Variants in ST18 observed in about 807,000 individuals in gnomAD.
ST18 encodes the protein ST18 C2H2C-type zinc finger transcription factor, also known as suppression of tumorigenicity 18 protein.
In ST18, 50 loss-of-function variants were observed where a neutral mutation model predicts 110.0. The observed-to-expected ratio is 0.45, with a 90% confidence interval of 0.36 to 0.58. ST18 has a LOEUF of 0.58. Among genes scored for constraint, ST18 ranks in the 20% least tolerant of loss-of-function variants. The pLI is 0.00. For synonymous variants in ST18, 461 were observed against 452.4 expected, an observed-to-expected ratio of 1.02 and a Z score of -0.24; for missense variants, 1,306 against 1,280.1, an observed-to-expected ratio of 1.02 and a Z score of -0.31.
chr8:52,175,619 G>T (rs770016505), intron 9 of ST18, among the ~76,000 whole-genome samples: 1 of 152,084 alleles, frequency 6.6e-6, no homozygotes, highest in African/African-American at 2.4e-5. Context: ...GATAGTTCAA[G>T]GATCCCTCCT....
chr8:52,303,291 G>C (rs2095759106), intron 2 of ST18, among the ~76,000 whole-genome samples: 1 of 152,232 alleles, frequency 6.6e-6, no homozygotes, highest in African/African-American at 2.4e-5. Flanking sequence ...CTCCCTTGCA[G>C]ATGCATCCCT....
intron 2 of ST18, among the ~76,000 whole-genome samples, chr8:52,366,763 G>T (rs1422202630): frequency 6.6e-6 from 1 of 152,044 alleles, no homozygotes; most frequent in Non-Finnish European, 1.5e-5. Flanking sequence ...TTGTCTTATT[G>T]TTTGTACTTA....
At chr8:52,175,895 C>T (rs2066723899) in intron 9 of ST18, among the ~76,000 whole-genome samples, 1 of 152,176 alleles carries the variant, frequency 6.6e-6, no homozygotes, top group Admixed American at 6.5e-5. Flanking sequence ...TATGTCCTGG[C>T]TGGTGTTTTG....
intron 2 of ST18, among the ~76,000 whole-genome samples, chr8:52,378,352 G>A (rs527579515): frequency 6.6e-6 from 1 of 152,150 alleles, no homozygotes; most frequent in Admixed American, 6.5e-5. Flanking sequence ...AATATTACAT[G>A]TACCCCACAA....
chr8:52,172,220 T>C lies in ST18; in HGVS notation c.641A>G (p.Lys214Arg), dbSNP rs1384585585. Residue 214 changes from lysine to arginine, a missense_variant, in exon 10 of 26, where the codon AAA becomes AGA. Lys to Arg is a conservative substitution (Grantham distance 26, BLOSUM62 2). Coordinates refer to ENST00000689386, the MANE Select transcript of ST18 (RefSeq NM_001352837.2). ...DSGSNFSEET[K>R]PPRVPKYVLT... Reference sequence around the variant, plus strand: ...AACATACTTTGGGACTCTAGGTGGTTTGGTTTCTTCTGAGAAGTTGGAGCC... The same window carrying C: ...AACATACTTTGGGACTCTAGGTGGTCTGGTTTCTTCTGAGAAGTTGGAGCC... 3 of 1,614,180 alleles carry C rather than the reference T, an allele frequency of 1.9e-6. No individual in the cohort carries two copies. The highest frequency in any genetic ancestry group is 1.7e-6 in the Non-Finnish European group (2 of 1,180,030).
intron 2 of ST18, among the ~76,000 whole-genome samples, chr8:52,278,282 C>G (rs1011067343): frequency 6.6e-6 from 1 of 152,072 alleles, no homozygotes; most frequent in African/African-American, 2.4e-5. Flanking sequence ...TATGTAGATT[C>G]CATTTGCTGG....
chr8:52,262,167 A>C (rs200039538), intron 2 of ST18, among the ~76,000 whole-genome samples: 1 of 152,206 alleles, frequency 6.6e-6, no homozygotes, highest in East Asian at 1.9e-4. Context: ...AAGCCACTCC[A>C]GTGAGAACTA....
In ST18 at chr8:52,128,758, C is replaced by T. The variant is rs571348531; in HGVS notation, c.2667-2618G>A. 1.2e-4 allele frequency among the ~76,000 whole-genome samples: 19 copies of T among 152,252 alleles called. No individual in the cohort carries two copies. In the East Asian group the frequency reaches 3.1e-3, roughly 25 times the overall value. On this transcript the variant is annotated intron_variant, in intron 22 of 25. Transcript: ENST00000689386. ...GGAAGTGGGGTGACACTGGCTTTCA[C>T]GTGCCAACCTGTATTCAAAGCAATT... is the stretch of plus-strand genomic sequence containing the variant.
chr8:52,316,126 C>T (rs1299501196), intron 2 of ST18, among the ~76,000 whole-genome samples: 1 of 152,180 alleles, frequency 6.6e-6, no homozygotes, highest in African/African-American at 2.4e-5. Flanking sequence ...TTAGATAACA[C>T]AGGTCAAATT....
intron 15 of ST18, among the ~76,000 whole-genome samples, chr8:52,157,300 G>A (rs1364750289): frequency 6.6e-6 from 1 of 152,102 alleles, no homozygotes; most frequent in Non-Finnish European, 1.5e-5. Context: ...CTGAGGAACA[G>A]GAACACATCT....
chr8:52,191,258 G>A lies in ST18; in HGVS notation c.87-10946C>T, dbSNP rs953884035. On this transcript the variant is annotated intron_variant, in intron 8 of 25. Coordinates refer to ENST00000689386, the MANE Select transcript of ST18 (RefSeq NM_001352837.2). Reference sequence around the variant, plus strand: ...CAAATCAAAATGCAGACCCACAGGGGACTGGAGCAAGGCCATGTCATGTGC... The same window carrying A: ...CAAATCAAAATGCAGACCCACAGGGAACTGGAGCAAGGCCATGTCATGTGC... 2.0e-5 allele frequency among the ~76,000 whole-genome samples: 3 copies of A among 152,188 alleles called. No homozygotes were observed. In the East Asian group the frequency reaches 5.8e-4, roughly 29 times the overall value.
At chr8:52,257,594 G>T (rs1192162901) in intron 2 of ST18, among the ~76,000 whole-genome samples, 1 of 151,954 alleles carries the variant, frequency 6.6e-6, no homozygotes, top group African/African-American at 2.4e-5. Flanking sequence ...TTGGAGAACT[G>T]TTTATCCAGA....
chr8:52,258,083 T>C (rs1332733890), intron 2 of ST18, among the ~76,000 whole-genome samples: 1 of 152,214 alleles, frequency 6.6e-6, no homozygotes, highest in Non-Finnish European at 1.5e-5. Context: ...AATCCATTGA[T>C]GGTAGACATG....
intron 2 of ST18, among the ~76,000 whole-genome samples, chr8:52,402,868 T>C (rs1008511609): frequency 3.3e-5 from 5 of 152,160 alleles, no homozygotes; most frequent in Admixed American, 3.3e-4. Context: ...CAAGGCTGTT[T>C]CTCTGGGGGC....
At chr8:52,119,052 C>T (rs2043629418) in intron 23 of ST18, among the ~76,000 whole-genome samples, 1 of 152,088 alleles carries the variant, frequency 6.6e-6, no homozygotes, top group Non-Finnish European at 1.5e-5. Flanking sequence ...TCCACGTGGA[C>T]ATGGATGAGG....
rs552686393 is a variant in ST18, at chr8:52,132,969, A to G, written c.2444+88T>C. ...TAGGGTACACCTTCCCTGAAACTCA[A>G]TCCGTGTTCAATTGCATCCCAACCA... is the stretch of plus-strand genomic sequence containing the variant. On this transcript the variant is annotated intron_variant, in intron 21 of 25. Coordinates refer to ENST00000689386, the MANE Select transcript of ST18 (RefSeq NM_001352837.2). 1.4e-4 allele frequency: 196 copies of G among 1,425,366 alleles called. No individual in the cohort carries two copies. The Admixed American group carries it at 1.4e-3, about 10-fold the overall frequency. 88.3% of individuals were successfully genotyped at this position (1,425,366 alleles called of 1,614,324 possible). A position where few individuals can be genotyped will look rare whatever the true frequency, so the allele number is the denominator to read the frequency against.
intron 2 of ST18, among the ~76,000 whole-genome samples, chr8:52,408,264 A>C (rs1317396794): frequency 1.3e-5 from 2 of 152,238 alleles, no homozygotes; most frequent in Non-Finnish European, 2.9e-5. Flanking sequence ...TAAATTATTT[A>C]GGTTTATCTG....
At chr8:52,176,702 A>G (rs566069196) in intron 9 of ST18, among the ~76,000 whole-genome samples, 1 of 152,374 alleles carries the variant, frequency 6.6e-6, no homozygotes, top group East Asian at 1.9e-4. Flanking sequence ...TCCTACAGAT[A>G]CATACTAATG....
chr8:52,381,967 TA>T (rs33953466), intron 2 of ST18, among the ~76,000 whole-genome samples: 1 of 47,270 alleles, frequency 2.1e-5, no homozygotes, highest in African/African-American at 3.4e-5. Context: ...TATGCTGCAT[TA>T]AAAAACAAAA....
Sources: gnomAD v4.1 joint callset for allele counts (sites outside exome capture counted in the v4.1 genomes callset) on GRCh38, gnomAD v4.1.1 for gene constraint, MANE v1.5 for transcripts, NCBI Gene and HGNC (gene_info 2026-07-23, HGNC 2026-07-21) for gene names.